The following FMNL2 variants were observed in gnomAD, a reference collection of about 807,000 sequenced individuals.
The protein encoded by FMNL2 is formin-like protein 2.
FMNL2 carries 51 observed loss-of-function variants against 130.2 expected under a neutral mutation model. That is an observed-to-expected ratio of 0.39 (90% CI 0.31 to 0.49). The LOEUF is 0.49. Ranked by LOEUF, FMNL2 falls within the 20% of genes least tolerant of loss-of-function variation. The probability of loss-of-function intolerance (pLI) is 0.85; values close to 1 mark genes in which losing one functional copy is unlikely to be tolerated. For synonymous variants in FMNL2, 465 were observed against 467.1 expected, an observed-to-expected ratio of 1.00 and a Z score of 0.06; for missense variants, 977 against 1,316.2, an observed-to-expected ratio of 0.74 and a Z score of 3.99.
chr2:152,335,792 C>G (rs911305402), intron 1 of FMNL2, 72 bp downstream of exon 1: 1 of 1,111,926 alleles, frequency 9.0e-7, no homozygotes, highest in African/African-American at 1.7e-5. Context: ...ACCCCCGCCC[C>G]TCCCCTTCAC....
chr2:152,518,742 G>C (rs949688212), intron 1 of FMNL2, among the ~76,000 whole-genome samples: 1 of 152,010 alleles, frequency 6.6e-6, no homozygotes, highest in Non-Finnish European at 1.5e-5. Context: ...TTCATTCAAC[G>C]TGCCATCGAC....
intron 1 of FMNL2, among the ~76,000 whole-genome samples, chr2:152,355,734 C>G (rs1682744221): frequency 6.6e-6 from 1 of 152,204 alleles, no homozygotes; most frequent in African/African-American, 2.4e-5. Context: ...TGATTTCCAG[C>G]ACTGCTCTAT....
chr2:152,546,897 AAG>A (rs1004857504), intron 3 of FMNL2, among the ~76,000 whole-genome samples: 1 of 151,944 alleles, frequency 6.6e-6, no homozygotes, highest in African/African-American at 2.4e-5. Context: ...GAAGAGTTTA[AAG>A]AGAGAGAATA....
chr2:152,475,808 T>C (rs1356115971), intron 1 of FMNL2, among the ~76,000 whole-genome samples: 1 of 152,140 alleles, frequency 6.6e-6, no homozygotes, highest in East Asian at 1.9e-4. Flanking sequence ...CAAGAATAGA[T>C]TTTTAACATT....
rs929432458 is a variant in FMNL2, at chr2:152,647,702, A to G, written c.3170-94A>G. On this transcript the variant is annotated intron_variant, in intron 25 of 25. Coordinates refer to ENST00000288670, the MANE Select transcript of FMNL2 (RefSeq NM_052905.4). ...GCCCATTAGCTGACTTTTCTACACA[A>G]GCTGCTTTGATTGGCTGCCAGCTGG... 3.4e-6 allele frequency: 4 copies of G among 1,162,584 alleles called. No homozygotes were observed. In the East Asian group the frequency reaches 7.0e-5, roughly 20 times the overall value. 72.0% of individuals were successfully genotyped at this position (1,162,584 alleles called of 1,614,324 possible). A position where few individuals can be genotyped will look rare whatever the true frequency, so the allele number is the denominator to read the frequency against.
intron 1 of FMNL2, among the ~76,000 whole-genome samples, chr2:152,509,659 G>A (rs1434867278): frequency 6.7e-6 from 1 of 148,482 alleles, no homozygotes; most frequent in Non-Finnish European, 1.5e-5. Flanking sequence ...TTGATGGAGA[G>A]AAGGTGAGTG....
chr2:152,529,583 G>T (rs886249642), intron 2 of FMNL2, among the ~76,000 whole-genome samples: 1 of 152,156 alleles, frequency 6.6e-6, no homozygotes, highest in Non-Finnish European at 1.5e-5. Context: ...CTGAAACACT[G>T]GAAAAGCAAT....
In FMNL2 at chr2:152,648,323, T is replaced by C. The variant is rs1683795747; in HGVS notation, c.*418T>C. ...CTTCGAAGGAATTTTGTTTTAGCCA[T>C]ATCCATCAACTTTGTATTTTACTTG... On this transcript the variant is annotated 3_prime_UTR_variant, in exon 26 of 26. Coordinates refer to ENST00000288670, the MANE Select transcript of FMNL2 (RefSeq NM_052905.4). 6.3e-6 allele frequency: 1 copy of C among 158,570 alleles called. No homozygotes were observed. The highest frequency in any genetic ancestry group is 1.4e-5 in the Non-Finnish European group (1 of 71,898). The allele number at this position is 158,570 out of a possible 1,614,324, so 9.8% of individuals were successfully genotyped here. A position where few individuals can be genotyped will look rare whatever the true frequency, so the allele number is the denominator to read the frequency against.
chr2:152,335,895 C>A (rs910169625), intron 1 of FMNL2, among the ~76,000 whole-genome samples, 175 bp downstream of exon 1: 2 of 151,576 alleles, frequency 1.3e-5, no homozygotes, highest in African/African-American at 2.4e-5. Context: ...CCCTGGCAGT[C>A]CCCCGCGCTC....
chr2:152,370,147 A>G (rs1477232268), intron 1 of FMNL2, among the ~76,000 whole-genome samples: 1 of 150,596 alleles, frequency 6.6e-6, no homozygotes. Flanking sequence ...GTGTAGATGA[A>G]GTGGCTTGAA....
chr2:152,495,268 A>G (rs1245477593), intron 1 of FMNL2, among the ~76,000 whole-genome samples: 1 of 152,122 alleles, frequency 6.6e-6, no homozygotes. Context: ...CTTTCTTTGA[A>G]GTATTAAGTA....
chr2:152,468,284 G>A (rs1030050431), intron 1 of FMNL2, among the ~76,000 whole-genome samples: 2 of 152,140 alleles, frequency 1.3e-5, no homozygotes, highest in Non-Finnish European at 2.9e-5. Flanking sequence ...GGGCTGTGCC[G>A]TCCGATACAG....
At chr2:152,640,516 A>G (rs535731658) in intron 24 of FMNL2, among the ~76,000 whole-genome samples, 2 of 152,374 alleles carry the variant, frequency 1.3e-5, no homozygotes, top group South Asian at 4.1e-4. Context: ...TTGGCAACAC[A>G]GTTTAAGACA....
intron 9 of FMNL2, among the ~76,000 whole-genome samples, chr2:152,589,940 C>CATATATATATATATAT (rs771625998): frequency 7.5e-5 from 5 of 67,034 alleles, no homozygotes; most frequent in Non-Finnish European, 1.1e-4. Flanking sequence ...TGGCTTTATA[C>CATATATATATATATAT]ATATATATAT....
chr2:152,450,023 T>C (rs1317545778), intron 1 of FMNL2, among the ~76,000 whole-genome samples: 1 of 152,192 alleles, frequency 6.6e-6, no homozygotes, highest in Non-Finnish European at 1.5e-5. Context: ...AAGTCCTCTG[T>C]AACAACGGCT....
At chr2:152,408,774 C>A (rs1470214374) in intron 1 of FMNL2, among the ~76,000 whole-genome samples, 1 of 152,064 alleles carries the variant, frequency 6.6e-6, no homozygotes, top group African/African-American at 2.4e-5. Context: ...TGTTGAATAT[C>A]TCATGTAATT....
At position 152,635,319 on chromosome 2, in the gene FMNL2, T is replaced by C. The variant is rs115498571; in HGVS notation, c.2681-1108T>C. Among the ~76,000 whole-genome samples, 980 of 152,288 alleles carry C rather than the reference T, an allele frequency of 6.4e-3. 7 individuals carry two copies. The highest frequency in any genetic ancestry group is 0.017 in the Middle Eastern group (5 of 294). The stretch of plus-strand genomic sequence containing the variant: ...AAGCTCTTCATCTTCAAGGCTCTCG[T>C]GTCCTTTGCAAAACTTCCTGAACCA... On this transcript the variant is annotated intron_variant, in intron 21 of 25. Transcript: ENST00000288670.
chr2:152,543,669 A>AG (rs1227875731), intron 3 of FMNL2, among the ~76,000 whole-genome samples: 1 of 148,588 alleles, frequency 6.7e-6, no homozygotes, highest in Non-Finnish European at 1.5e-5. Flanking sequence ...CATTAAAAAA[A>AG]AAATCTTTTT....
chr2:152,589,318 CAAAAAAAACAACA>C (rs1697256623), intron 9 of FMNL2, among the ~76,000 whole-genome samples: 1 of 113,172 alleles, frequency 8.8e-6, no homozygotes, highest in African/African-American at 2.8e-5. Flanking sequence ...AAAAAACAAA[CAAAAAAAACAACA>C]AAAAAAAACC....
Sources: gnomAD v4.1 joint callset for allele counts (sites outside exome capture counted in the v4.1 genomes callset) on GRCh38, gnomAD v4.1.1 for gene constraint, MANE v1.5 for transcripts, NCBI Gene and HGNC (gene_info 2026-07-23, HGNC 2026-07-21) for gene names.